The following APBB2 variants were observed in gnomAD, a reference collection of about 807,000 sequenced individuals.
APBB2 encodes the protein Fe65-like 1.
APBB2 carries 38 observed loss-of-function variants against 82.5 expected under a neutral mutation model. That is an observed-to-expected ratio of 0.46 (90% CI 0.36 to 0.60). The LOEUF (loss-of-function observed/expected upper bound fraction) is 0.60. Ranked by LOEUF, APBB2 falls within the 20% of genes least tolerant of loss-of-function variation. APBB2 has a pLI of 0.00. For missense variants in APBB2, 772 were observed against 972.3 expected (o/e 0.79, Z 2.74); for synonymous variants, 341 against 368.2 (o/e 0.93, Z 0.85).
At chr4:40,927,632 C>T (rs1206122145) in intron 10 of APBB2, among the ~76,000 whole-genome samples, 1 of 152,076 alleles carries the variant, frequency 6.6e-6, no homozygotes, top group Non-Finnish European at 1.5e-5. Flanking sequence ...CAGACGCATG[C>T]CACCACGTTA....
intron 5 of APBB2, among the ~76,000 whole-genome samples, chr4:41,022,449 T>G (rs777572667): frequency 6.6e-6 from 1 of 152,190 alleles, no homozygotes; most frequent in Non-Finnish European, 1.5e-5. Context: ...ATCTTCCTTG[T>G]CCCTCCACAC....
At chr4:41,059,249 T>G (rs1173675759) in intron 4 of APBB2, among the ~76,000 whole-genome samples, 1 of 152,144 alleles carries the variant, frequency 6.6e-6, no homozygotes, top group Non-Finnish European at 1.5e-5. Context: ...TCACCTGAGG[T>G]CAGGAGTTTG....
Position 40,872,200 on chromosome 4 carries a change from G to A in APBB2, c.1529+18164C>T, listed in dbSNP as rs115485370. Among the ~76,000 whole-genome samples the A allele has an allele frequency of 6.6e-3, 1,010 of 152,338 alleles. 14 individuals carry two copies. The highest frequency in any genetic ancestry group is 0.023 in the African/African-American group (967 of 41,570). On this transcript the variant is annotated intron_variant, in intron 12 of 17. Transcript: ENST00000508593. The stretch of plus-strand genomic sequence containing the variant: ...AGTCTAGATTGTGACTTTATCATCA[G>A]CTTTAGACAGAGAATGAGGACAATG...
At chr4:41,006,464 T>C (rs1027280150) in intron 6 of APBB2, among the ~76,000 whole-genome samples, 1 of 152,154 alleles carries the variant, frequency 6.6e-6, no homozygotes, top group Non-Finnish European at 1.5e-5. Flanking sequence ...ATTTATTTTT[T>C]ATTTTTTTAT....
intron 5 of APBB2, among the ~76,000 whole-genome samples, chr4:41,015,189 C>T (rs1171144267): frequency 6.6e-6 from 1 of 152,164 alleles, no homozygotes; most frequent in Non-Finnish European, 1.5e-5. Flanking sequence ...CTGCAGAACT[C>T]CTAGGAAACT....
intron 2 of APBB2, among the ~76,000 whole-genome samples, chr4:41,125,336 T>A (rs1754055176): frequency 2.0e-5 from 3 of 152,180 alleles, no homozygotes; most frequent in African/African-American, 7.2e-5. Flanking sequence ...CCACACATAA[T>A]GAAGAGGTGT....
intron 2 of APBB2, among the ~76,000 whole-genome samples, chr4:41,129,182 C>A (rs1755260835): frequency 6.6e-6 from 1 of 152,166 alleles, no homozygotes; most frequent in Admixed American, 6.5e-5. Context: ...ATCTATTCAC[C>A]TTTGAATCCC....
intron 6 of APBB2, among the ~76,000 whole-genome samples, chr4:40,983,728 C>A (rs956576713): frequency 2.0e-5 from 3 of 152,074 alleles, no homozygotes; most frequent in African/African-American, 4.8e-5. Context: ...CAGGTGCATG[C>A]CACCATACCC....
At chr4:41,101,588 T>C (rs769966369) in intron 2 of APBB2, among the ~76,000 whole-genome samples, 45 of 149,662 alleles carry the variant, frequency 3.0e-4, no homozygotes, top group Non-Finnish European at 5.9e-4. Context: ...TTTCTGCAGA[T>C]AAGAATGGGA....
At chr4:41,207,898 T>C (rs1483798675) in intron 1 of APBB2, 1 of 152,214 alleles carries the variant, frequency 6.6e-6, no homozygotes, top group Admixed American at 6.5e-5. Flanking sequence ...AAAAGAATCT[T>C]ACCCAAAAAT....
chr4:41,079,087 A>G (rs1736633896), intron 3 of APBB2, among the ~76,000 whole-genome samples: 1 of 152,234 alleles, frequency 6.6e-6, no homozygotes, highest in African/African-American at 2.4e-5. Context: ...GAAGTGACAG[A>G]GTTGGTACCA....
chr4:41,091,914 A>G (rs961282858), intron 3 of APBB2, among the ~76,000 whole-genome samples: 6 of 152,090 alleles, frequency 3.9e-5, no homozygotes, highest in African/African-American at 1.4e-4. Flanking sequence ...TCTATGCTCT[A>G]TTTTTTCTTA....
Position 41,214,485 on chromosome 4 carries a change from C to G in APBB2, c.-497G>C, listed in dbSNP as rs1482709408. 1 of 152,448 alleles carries G rather than the reference C, an allele frequency of 6.6e-6. No homozygotes were observed. Among genetic ancestry groups the G allele is most frequent in the African/African-American group, 2.4e-5 (1 of 41,470 alleles). 9.4% of individuals were successfully genotyped at this position (152,448 alleles called of 1,614,324 possible). Reference sequence around the variant, plus strand: ...CTCGCCCTTCCCGGAGCGCCCAGATCAGATGCGGTTACAGCGCACTAGCTT... The same window carrying G: ...CTCGCCCTTCCCGGAGCGCCCAGATGAGATGCGGTTACAGCGCACTAGCTT... On this transcript the variant is annotated 5_prime_UTR_variant, in exon 1 of 18. Transcript: ENST00000508593.
At chr4:40,876,633 T>C (rs1304415923) in intron 12 of APBB2, among the ~76,000 whole-genome samples, 1 of 152,228 alleles carries the variant, frequency 6.6e-6, no homozygotes, top group African/African-American at 2.4e-5. Context: ...TATGCACATC[T>C]TCCTGTATAC....
At chr4:41,015,048 C>T (rs958661289) in intron 5 of APBB2, among the ~76,000 whole-genome samples, 2 of 152,328 alleles carry the variant, frequency 1.3e-5, no homozygotes, top group African/African-American at 4.8e-5. Flanking sequence ...AACACGTACA[C>T]ACGCACACAA....
intron 4 of APBB2, among the ~76,000 whole-genome samples, chr4:41,046,610 G>A (rs1723523816): frequency 6.6e-6 from 1 of 151,954 alleles, no homozygotes; most frequent in African/African-American, 2.4e-5. Context: ...AAAAAATCAA[G>A]ATAATTAAAG....
intron 10 of APBB2, among the ~76,000 whole-genome samples, chr4:40,921,830 T>C (rs1781336288): frequency 6.6e-6 from 1 of 152,234 alleles, no homozygotes; most frequent in Non-Finnish European, 1.5e-5. Context: ...ATTTTCCAGC[T>C]TTGCTAGAGA....
chr4:41,040,053 C>A (rs991202635), intron 4 of APBB2, among the ~76,000 whole-genome samples: 6 of 151,936 alleles, frequency 3.9e-5, no homozygotes, highest in Non-Finnish European at 7.4e-5. Context: ...AAAACGTTCA[C>A]AAATAGTAGG....
At chr4:40,899,640 C>T (rs1774699047) in intron 10 of APBB2, among the ~76,000 whole-genome samples, 1 of 152,194 alleles carries the variant, frequency 6.6e-6, no homozygotes, top group South Asian at 2.1e-4. Flanking sequence ...TGTAGGCCCT[C>T]AGCAAATATG....
Sources: allele counts gnomAD v4.1 joint callset (sites outside exome capture counted in the v4.1 genomes callset), GRCh38; gene constraint gnomAD v4.1.1; transcripts MANE v1.5; gene names NCBI Gene and HGNC (gene_info 2026-07-23, HGNC 2026-07-21).